SAMD9: variants seen among roughly 807,000 people sequenced by gnomAD.
SAMD9 encodes the protein sterile alpha motif domain-containing protein 9.
In SAMD9, 3 loss-of-function variants were observed where a neutral mutation model predicts 1.5. The observed-to-expected ratio is 2.05, with a 90% confidence interval of 0.93 to 5.29. SAMD9 has a LOEUF of 5.29. Among genes scored for constraint, SAMD9 ranks in the 30% most tolerant of loss-of-function variants. The pLI, the probability that SAMD9 is intolerant of heterozygous loss-of-function variation, is 0.02. For synonymous variants in SAMD9, 635 were observed against 631.9 expected, an observed-to-expected ratio of 1.00 and a Z score of -0.07; for missense variants, 1,597 against 1,820.8, an observed-to-expected ratio of 0.88 and a Z score of 2.24.
At chr7:93,117,349 G>A (rs1584262164) in intron 1 of SAMD9, among the ~76,000 whole-genome samples, 1 of 152,050 alleles carries the variant, frequency 6.6e-6, no homozygotes, top group South Asian at 2.1e-4. Flanking sequence ...TACAATTACA[G>A]CTCACTGTAA....
In SAMD9 at chr7:93,103,206, A is replaced by G; in HGVS notation, c.2892T>C (p.Ser964=). Residue 964 remains serine, a synonymous_variant, in exon 3 of 3, where the codon TCT becomes TCC. Coordinates refer to ENST00000379958, the MANE Select transcript of SAMD9 (RefSeq NM_017654.4). The part of the protein sequence containing the change: ...EKFEDKMGTY[S]TILIKTEVIE... ...TGACCTCTGTTTTTATCAGAATTGT[A>G]GAGTAGGTGCCCATCTTGTCTTCAA... 6.2e-7 allele frequency: 1 copy of G among 1,613,824 alleles called. No individual in the cohort carries two copies. Among genetic ancestry groups the G allele is most frequent in the Non-Finnish European group, 8.5e-7 (1 of 1,179,764 alleles).
chr7:93,104,051 A>T lies in SAMD9; in HGVS notation c.2047T>A (p.Phe683Ile). ...CATGACACTTTGCCACCTCGATAGA[A>T]GTCTTCCTCTTTTGATGCCTTGAAT... ...LEFKASKEED[F>I]YRGGKVSWWN... is the part of the protein sequence containing the mutation. The change falls in exon 3 of 3, where the codon TTC becomes ATC. Residue 683 changes from phenylalanine to isoleucine, a missense_variant. Physicochemically the swap from Phe to Ile is conservative, Grantham distance 21. This residue lies in a region of SAMD9 where 358 missense variants were observed against 460.4 expected (regional missense o/e 0.78). Coordinates refer to ENST00000379958, the MANE Select transcript of SAMD9 (RefSeq NM_017654.4). 1 of 1,614,002 alleles carries T rather than the reference A, an allele frequency of 6.2e-7. No homozygotes were observed. Among genetic ancestry groups the T allele is most frequent in the Non-Finnish European group, 8.5e-7 (1 of 1,179,890 alleles).
Position 93,105,625 on chromosome 7 carries a change from T to A in SAMD9, c.473A>T (p.Asp158Val). ...AAATGGATATGATACACATGTCAGG[T>A]CTATGGATGGTTGCCTTTCCTTTGT... ...DYTKERQPSI[D>V]LTCVSYPFDE... is the part of the protein sequence containing the mutation. The change falls in exon 3 of 3, where the codon GAC becomes GTC. Residue 158 changes from aspartate (D) to valine (V), a missense_variant. Asp to Val is a radical substitution (Grantham distance 152). This residue lies in a region of SAMD9 where 498 missense variants were observed against 457.4 expected (regional missense o/e 1.09). Coordinates refer to ENST00000379958, the MANE Select transcript of SAMD9 (RefSeq NM_017654.4). The A allele has an allele frequency of 6.2e-7, 1 of 1,614,126 alleles. No homozygotes were observed. The highest frequency in any genetic ancestry group is 8.5e-7 in the Non-Finnish European group (1 of 1,180,002).
chr7:93,109,118 ACAC>A (rs937345370), intron 2 of SAMD9, among the ~76,000 whole-genome samples: 37 of 152,180 alleles, frequency 2.4e-4, no homozygotes, highest in African/African-American at 8.9e-4. Context: ...AGGAAGGATC[ACAC>A]AGCAAAATGT....
rs751855991 is a variant in SAMD9 at position 93,102,447 on chromosome 7, A to G, written c.3651T>C (p.Phe1217=). The G allele has an allele frequency of 6.2e-7, 1 of 1,611,172 alleles. No individual in the cohort carries two copies. Among genetic ancestry groups the G allele is most frequent in the Admixed American group, 1.7e-5 (1 of 59,876 alleles). ...TIQILQLIPF[F]DNKNELSKRY... is the part of the protein sequence containing the mutation. ...TTTTAGATAGCTCATTTTTATTATC[A>G]AAAAAAGGAATGAGCTGGAGAATTT... Residue 1217 remains phenylalanine (F), a synonymous_variant, in exon 3 of 3, where the codon TTT becomes TTC. Coordinates refer to ENST00000379958, the MANE Select transcript of SAMD9 (RefSeq NM_017654.4).
At chr7:93,113,085 G>A (rs1300015941) in intron 2 of SAMD9, among the ~76,000 whole-genome samples, 1 of 152,118 alleles carries the variant, frequency 6.6e-6, no homozygotes, top group Non-Finnish European at 1.5e-5. Flanking sequence ...AAAACAGCAT[G>A]GTACTGGTAC....
At position 93,103,326 on chromosome 7, in the gene SAMD9, A is replaced by C. The variant is rs973057686; in HGVS notation, c.2772T>G (p.Leu924=). ...EAKLFSFLAL[L]NSYVPDTTIS... is the part of the protein sequence containing the mutation. ...TGGTGGTATCAGGCACATATGAATT[A>C]AGAAGAGCCAGAAAAGAAAAGAGCT... is the stretch of plus-strand genomic sequence containing the variant. The change falls in exon 3 of 3, where the codon CTT becomes CTG. Residue 924 remains leucine, a synonymous_variant. Coordinates refer to ENST00000379958, the MANE Select transcript of SAMD9 (RefSeq NM_017654.4). The C allele has an allele frequency of 6.2e-7, 1 of 1,613,542 alleles. No individual in the cohort carries two copies. Among genetic ancestry groups the C allele is most frequent in the Admixed American group, 1.7e-5 (1 of 59,870 alleles).
chr7:93,105,140 A>C lies in SAMD9; in HGVS notation c.958T>G (p.Tyr320Asp), dbSNP rs751049946. Residue 320 changes from tyrosine (Y) to aspartate (D), a missense_variant, in exon 3 of 3, where the codon TAT becomes GAT. Tyr to Asp is a radical substitution (Grantham distance 160). Coordinates refer to ENST00000379958, the MANE Select transcript of SAMD9 (RefSeq NM_017654.4). ...TAATTTTGCATTTTAATCTGGAAAT[A>C]ATCATATTGGCATTCAGAGAACTGT... ...IPQFSECQYD[Y>D]FQIKMQNYNN... is the part of the protein sequence containing the mutation. 4.5e-5 allele frequency: 73 copies of C among 1,613,470 alleles called. 2 individuals carry two copies. In the South Asian group the frequency reaches 7.5e-4, roughly 17 times the overall value.
intron 2 of SAMD9, among the ~76,000 whole-genome samples, chr7:93,112,748 G>C (rs1359080918): frequency 1.3e-5 from 2 of 152,132 alleles, no homozygotes; most frequent in African/African-American, 2.4e-5. Flanking sequence ...ACTTACAAGG[G>C]ATGTGAAAGA....
Position 93,103,724 on chromosome 7 carries a change from C to T in SAMD9, c.2374G>A (p.Val792Ile), listed in dbSNP as rs147587391. 3.9e-4 allele frequency: 632 copies of T among 1,613,682 alleles called. No individual in the cohort carries two copies. Among genetic ancestry groups the T allele is most frequent in the Non-Finnish European group, 3.2e-4 (376 of 1,179,666 alleles). The change falls in exon 3 of 3, where the codon GTA (valine) becomes ATA (isoleucine). Residue 792 changes from valine to isoleucine, a missense_variant. Coordinates refer to ENST00000379958, the MANE Select transcript of SAMD9 (RefSeq NM_017654.4). ...TYGAMNRQEY[V>I]PVLLLVDDFE... is the part of the protein sequence containing the mutation. ...TCATCAACAAGGAGTAGTACAGGTA[C>T]GTATTCCTGACGGTTCATTGCCCCA...
rs1562775994 is a variant in SAMD9 at position 93,105,251 on chromosome 7, ACTTCTTTGCT to A, written c.837_846del (p.Gln279HisfsTer117). 2 of 1,613,902 alleles carry A rather than the reference ACTTCTTTGCT, an allele frequency of 1.2e-6. No individual in the cohort carries two copies. Among genetic ancestry groups the A allele is most frequent in the Non-Finnish European group, 1.7e-6 (2 of 1,179,972 alleles). On this transcript the variant is annotated frameshift_variant, in exon 3 of 3. Coordinates refer to ENST00000379958, the MANE Select transcript of SAMD9 (RefSeq NM_017654.4). LOFTEE classifies it low-confidence loss of function (END_TRUNC). ...TCCACAAATCTTGGCTCTCGAATGC[ACTTCTTTGCT>A]TGTTGGACTTGATGGTCTTCAAAAT... is the stretch of plus-strand genomic sequence containing the variant.
intron 2 of SAMD9, among the ~76,000 whole-genome samples, chr7:93,113,375 A>G (rs184372417): frequency 6.6e-6 from 1 of 152,366 alleles, no homozygotes; most frequent in East Asian, 1.9e-4. Flanking sequence ...AGGCAATACC[A>G]TTCAGGACAT....
Position 93,103,509 on chromosome 7 carries a change from T to C in SAMD9, c.2589A>G (p.Arg863=). ...TTTCTTTCAATTTAAGCTCAAAAGCTCTCTGTTCTTTGGGAGAGAGTTGCT... is the reference window on the plus strand; with the variant it reads ...TTTCTTTCAATTTAAGCTCAAAAGCCCTCTGTTCTTTGGGAGAGAGTTGCT... ...VIQQLSPKEQ[R]AFELKLKEIK... is the part of the protein sequence containing the mutation. The change falls in exon 3 of 3, where the codon AGA becomes AGG. Residue 863 remains arginine (R), a synonymous_variant. Coordinates refer to ENST00000379958, the MANE Select transcript of SAMD9 (RefSeq NM_017654.4). 3 of 1,613,772 alleles carry C rather than the reference T, an allele frequency of 1.9e-6. No individual in the cohort carries two copies. Among genetic ancestry groups the C allele is most frequent in the Non-Finnish European group, 2.5e-6 (3 of 1,179,734 alleles).
rs1791807357 is a variant in SAMD9 at position 93,114,775 on chromosome 7, TCTTAAAAAATATAG to T, written c.-9+6_-9+19del. The T allele has an allele frequency of 6.6e-6, 1 of 152,148 alleles. No individual in the cohort carries two copies. Among genetic ancestry groups the T allele is most frequent in the Admixed American group, 6.6e-5 (1 of 15,266 alleles). The allele number at this position is 152,148 out of a possible 1,614,324, so 9.4% of individuals were successfully genotyped here. A position where few individuals can be genotyped will look rare whatever the true frequency, so the allele number is the denominator to read the frequency against. On this transcript the variant is annotated splice_donor_region_variant and intron_variant, in intron 2 of 2. Transcript: ENST00000379958. ...GAAAACTGAGATTAATTGAGCAAAT[TCTTAAAAAATATAG>T]CTTACCAAACTGACTCTAGAAGAAA... is the stretch of plus-strand genomic sequence containing the variant.
chr7:93,113,251 A>G (rs1042323517), intron 2 of SAMD9, among the ~76,000 whole-genome samples: 3 of 152,240 alleles, frequency 2.0e-5, no homozygotes, highest in African/African-American at 7.2e-5. Flanking sequence ...GGCTAGCCAT[A>G]TATAGAAAGC....
intron 2 of SAMD9, among the ~76,000 whole-genome samples, chr7:93,108,635 A>G (rs972872012): frequency 6.6e-6 from 1 of 152,248 alleles, no homozygotes; most frequent in African/African-American, 2.4e-5. Context: ...CTTAGCAAAC[A>G]GCACACCAGA....
At position 93,105,874 on chromosome 7, in the gene SAMD9, C is replaced by T. The variant is rs200748623; in HGVS notation, c.224G>A (p.Arg75Gln). The T allele has an allele frequency of 5.8e-5, 94 of 1,614,064 alleles. No individual in the cohort carries two copies. Among genetic ancestry groups the T allele is most frequent in the East Asian group, 1.6e-4 (7 of 44,868 alleles). Residue 75 changes from arginine (R) to glutamine (Q), a missense_variant, in exon 3 of 3, where the codon CGG becomes CAG. Arg to Gln is a conservative substitution (Grantham distance 43). Transcript: ENST00000379958. ...IQIEELFKEL[R>Q]KTAIEDSIQT... ...AATCGAATCTTCAATGGCTGTTTTCCGCAATTCTTTGAATAGTTCTTCTAT... is the reference window on the plus strand; with the variant it reads ...AATCGAATCTTCAATGGCTGTTTTCTGCAATTCTTTGAATAGTTCTTCTAT...
At chr7:93,111,941 C>T (rs1464556592) in intron 2 of SAMD9, among the ~76,000 whole-genome samples, 1 of 152,142 alleles carries the variant, frequency 6.6e-6, no homozygotes, top group East Asian at 1.9e-4. Flanking sequence ...AAGAGGGAAC[C>T]CTCCCTAACT....
chr7:93,101,129 A>G lies in SAMD9; in HGVS notation c.*199T>C, dbSNP rs75124808. 8.9e-4 allele frequency: 532 copies of G among 599,320 alleles called. 4 individuals carry two copies. The highest frequency in any genetic ancestry group is 8.7e-3 in the African/African-American group (469 of 53,918). The allele number at this position is 599,320 out of a possible 1,614,324, so 37.1% of individuals were successfully genotyped here. A position where few individuals can be genotyped will look rare whatever the true frequency, so the allele number is the denominator to read the frequency against. On this transcript the variant is annotated 3_prime_UTR_variant, in exon 3 of 3. Transcript: ENST00000379958. ...CCAAGGAACATATTTGCTACTTTTCATATATCTCACTCCTTCCTTTTTCAC... is the reference window on the plus strand; with the variant it reads ...CCAAGGAACATATTTGCTACTTTTCGTATATCTCACTCCTTCCTTTTTCAC...
Sources: gnomAD v4.1 joint callset for allele counts (sites outside exome capture counted in the v4.1 genomes callset) on GRCh38, gnomAD v4.1.1 for gene constraint, gnomAD v4.1.1 regional missense constraint, MANE v1.5 for transcripts, NCBI Gene and HGNC (gene_info 2026-07-23, HGNC 2026-07-21) for gene names.